The following MDGA2 variants were observed in gnomAD, a reference collection of about 807,000 sequenced individuals.
MDGA2 encodes the protein MAM domain containing glycosylphosphatidylinositol anchor 2.
Under a neutral mutation model 117.8 loss-of-function variants are expected in MDGA2, and 40 were observed. That is an observed-to-expected ratio of 0.34 (90% CI 0.26 to 0.44). The LOEUF is 0.44. Ranked by LOEUF, MDGA2 falls within the 20% of genes least tolerant of loss-of-function variation. The pLI is 1.00. For synonymous variants in MDGA2, 452 were observed against 439.0 expected, an observed-to-expected ratio of 1.03 and a Z score of -0.37; for missense variants, 1,123 against 1,250.6, an observed-to-expected ratio of 0.90 and a Z score of 1.54.
intron 5 of MDGA2, among the ~76,000 whole-genome samples, chr14:47,104,481 A>C (rs1594624834): frequency 5.7e-5 from 5 of 87,332 alleles, no homozygotes; most frequent in Admixed American, 1.4e-4. Context: ...TGCGACCCCC[A>C]CTCCTACCCG....
chr14:47,349,868 G>T (rs535194732), intron 1 of MDGA2, among the ~76,000 whole-genome samples: 1 of 152,192 alleles, frequency 6.6e-6, no homozygotes, highest in South Asian at 2.1e-4. Context: ...CATTAACCTG[G>T]CCCTCCTTTG....
intron 11 of MDGA2, among the ~76,000 whole-genome samples, chr14:46,878,901 C>T (rs1237444510): frequency 1.3e-5 from 2 of 152,026 alleles, no homozygotes; most frequent in African/African-American, 4.8e-5. Context: ...TTAATTGAGA[C>T]TTTGCCTCCA....
chr14:47,059,333 G>C, intron 7 of MDGA2: 2 of 1,275,268 alleles, frequency 1.6e-6, no homozygotes, highest in South Asian at 1.2e-5. Flanking sequence ...TCCAGGGGTA[G>C]TGTTTTGGAA....
Position 46,973,398 on chromosome 14 carries a change from T to C in MDGA2, c.1820-15755A>G, listed in dbSNP as rs998208462. Among the ~76,000 whole-genome samples, 8 of 152,258 alleles carry C rather than the reference T, an allele frequency of 5.3e-5. No individual in the cohort carries two copies. In the East Asian group the frequency reaches 9.6e-4, roughly 18 times the overall value. On this transcript the variant is annotated intron_variant, in intron 8 of 16. Transcript: ENST00000399232. ...AGTAGTGCATCAACTTACATTTTAA[T>C]ACAAACAACATAATCCTATTGTGCA...
At chr14:47,066,536 A>C (rs141611286) in intron 6 of MDGA2, among the ~76,000 whole-genome samples, 1 of 152,214 alleles carries the variant, frequency 6.6e-6, no homozygotes, top group African/African-American at 2.4e-5. Context: ...AATTCTGTAC[A>C]CAACACAAGA....
rs551021296 is a variant in MDGA2, at chr14:47,239,889, C to A, written c.421-21694G>T. Among the ~76,000 whole-genome samples the A allele has an allele frequency of 2.0e-5, 3 of 151,534 alleles. No homozygotes were observed. In the South Asian group the frequency reaches 6.3e-4, roughly 32 times the overall value. On this transcript the variant is annotated intron_variant, in intron 2 of 16. Coordinates refer to ENST00000399232, the MANE Select transcript of MDGA2 (RefSeq NM_001113498.3). ...TTTTTTTAGGCATACATTTTTTTCC[C>A]AGAGTTTAGTAGCAATCTTTTTCTC...
rs1886007545 is a variant in MDGA2 at position 46,965,840 on chromosome 14, T to TA, written c.1820-8198_1820-8197insT. 2.0e-5 allele frequency among the ~76,000 whole-genome samples: 3 copies of TA among 152,280 alleles called. No homozygotes were observed. In the South Asian group the frequency reaches 6.2e-4, roughly 32 times the overall value. On this transcript the variant is annotated intron_variant, in intron 8 of 16. Coordinates refer to ENST00000399232, the MANE Select transcript of MDGA2 (RefSeq NM_001113498.3). Reference sequence around the variant, plus strand: ...TATGGCATAAAATTTATTCAGAATGTTTTTATGAAGTATTCAACATGAAGG... The same window carrying TA: ...TATGGCATAAAATTTATTCAGAATGTATTTTATGAAGTATTCAACATGAAGG...
At chr14:47,466,401 G>C (rs1185539545) in intron 1 of MDGA2, among the ~76,000 whole-genome samples, 3 of 152,028 alleles carry the variant, frequency 2.0e-5, no homozygotes, top group Non-Finnish European at 4.4e-5. Flanking sequence ...TCCTTATTTG[G>C]GTCTATGTGA....
chr14:46,879,874 T>C (rs1031730763), intron 11 of MDGA2, among the ~76,000 whole-genome samples: 3 of 152,102 alleles, frequency 2.0e-5, no homozygotes, highest in Non-Finnish European at 2.9e-5. Context: ...CTTTAATGAG[T>C]TGTTAATAGT....
chr14:47,640,837 C>A (rs1379719093), intron 1 of MDGA2, among the ~76,000 whole-genome samples: 1 of 152,056 alleles, frequency 6.6e-6, no homozygotes, highest in Non-Finnish European at 1.5e-5. Context: ...TCATCAAGCC[C>A]TTTCTGCTTT....
intron 9 of MDGA2, among the ~76,000 whole-genome samples, chr14:46,942,299 T>G (rs983655009): frequency 6.6e-6 from 1 of 152,206 alleles, no homozygotes; most frequent in African/African-American, 2.4e-5. Flanking sequence ...ATTACATACA[T>G]TATAACATTA....
chr14:47,243,329 C>A (rs1178755489), intron 2 of MDGA2, among the ~76,000 whole-genome samples: 1 of 151,670 alleles, frequency 6.6e-6, no homozygotes, highest in Non-Finnish European at 1.5e-5. Flanking sequence ...TTGGCTCTAC[C>A]AATCAGCAGG....
At chr14:46,936,081 T>C (rs1318071976) in intron 9 of MDGA2, among the ~76,000 whole-genome samples, 1 of 152,176 alleles carries the variant, frequency 6.6e-6, no homozygotes, top group Non-Finnish European at 1.5e-5. Context: ...TTTTAAATTT[T>C]GATGTATTAC....
intron 7 of MDGA2, among the ~76,000 whole-genome samples, chr14:47,047,536 C>T (rs72678450): frequency 0.013 from 2,020 of 152,160 alleles, 26 homozygotes; most frequent in South Asian, 0.054. Context: ...GGCAAGTCTG[C>T]ACCTTTCAGT....
chr14:46,902,562 A>G (rs1287309443), intron 10 of MDGA2, among the ~76,000 whole-genome samples: 1 of 152,180 alleles, frequency 6.6e-6, no homozygotes. Context: ...GAAATTTTCT[A>G]CAACTAAGGT....
intron 1 of MDGA2, among the ~76,000 whole-genome samples, chr14:47,377,599 G>A (rs1000130123): frequency 6.6e-6 from 1 of 151,988 alleles, no homozygotes; most frequent in Non-Finnish European, 1.5e-5. Context: ...CCATGCCCAC[G>A]GAGCCTTGCT....
intron 6 of MDGA2, among the ~76,000 whole-genome samples, chr14:47,064,042 ATG>A (rs1889989874): frequency 6.6e-6 from 1 of 152,042 alleles, no homozygotes; most frequent in South Asian, 2.1e-4. Context: ...TATCTGTATT[ATG>A]TTATAGAATA....
chr14:46,999,479 G>C (rs1236440014), intron 8 of MDGA2, among the ~76,000 whole-genome samples: 1 of 151,898 alleles, frequency 6.6e-6, no homozygotes, highest in Non-Finnish European at 1.5e-5. Context: ...ATCTCAAAAA[G>C]AAAATATATT....
At chr14:47,391,445 G>A (rs1424691207) in intron 1 of MDGA2, among the ~76,000 whole-genome samples, 1 of 152,112 alleles carries the variant, frequency 6.6e-6, no homozygotes, top group Non-Finnish European at 1.5e-5. Flanking sequence ...TTATTTCCGA[G>A]GTTTGAGGGA....
Sources: gnomAD v4.1 joint callset for allele counts (sites outside exome capture counted in the v4.1 genomes callset) on GRCh38, gnomAD v4.1.1 for gene constraint, MANE v1.5 for transcripts, NCBI Gene and HGNC (gene_info 2026-07-23, HGNC 2026-07-21) for gene names.